The following ZNF831 variants were observed in gnomAD, a reference collection of about 807,000 sequenced individuals.
ZNF831 encodes zinc finger protein 831.
In ZNF831, 59 loss-of-function variants were observed where a neutral mutation model predicts 95.8. That is an observed-to-expected ratio of 0.62 (90% CI 0.50 to 0.77). The LOEUF is 0.77. Ranked by LOEUF, ZNF831 falls within the 30% of genes least tolerant of loss-of-function variation. ZNF831 has a pLI of 0.00. For missense variants in ZNF831, 2,205 were observed against 2,164.0 expected (o/e 1.02, Z -0.38); for synonymous variants, 961 against 925.5 (o/e 1.04, Z -0.70).
At chr20:59,152,645 C>T (rs1275933249) in intron 2 of ZNF831, among the ~76,000 whole-genome samples, 2 of 152,128 alleles carry the variant, frequency 1.3e-5, no homozygotes, top group Non-Finnish European at 2.9e-5. Context: ...GGAATCTGAG[C>T]TGCTCAGGGA....
intron 4 of ZNF831, among the ~76,000 whole-genome samples, chr20:59,246,707 A>T (rs1987625286): frequency 6.6e-6 from 1 of 152,230 alleles, no homozygotes; most frequent in Admixed American, 6.5e-5. Context: ...TCAGAGAAAT[A>T]GAAAAGAGAT....
rs570459759 is a variant in ZNF831, at chr20:59,150,130, G to A, written c.-1281+3756G>A. The stretch of plus-strand genomic sequence containing the variant: ...CCAGGCTCCTCACAGAAACCAAAGA[G>A]GAACAGATTTTAGATTTTTACCTCA... On this transcript the variant is annotated intron_variant, in intron 2 of 7. Transcript: ENST00000637017. Among the ~76,000 whole-genome samples, 260 of 152,314 alleles carry A rather than the reference G, an allele frequency of 1.7e-3. 1 individual carries two copies. Among genetic ancestry groups the A allele is most frequent in the Non-Finnish European group, 2.9e-3 (197 of 68,020 alleles).
intron 4 of ZNF831, among the ~76,000 whole-genome samples, chr20:59,232,315 T>TA (rs1986770171): frequency 6.6e-6 from 1 of 152,124 alleles, no homozygotes; most frequent in Non-Finnish European, 1.5e-5. Flanking sequence ...AAATGGAGTT[T>TA]AAAAAATGAT....
intron 4 of ZNF831, among the ~76,000 whole-genome samples, chr20:59,215,824 A>G (rs535088733): frequency 2.4e-4 from 37 of 152,262 alleles, no homozygotes; most frequent in Admixed American, 4.6e-4. Flanking sequence ...CTGAAAATGA[A>G]AAGTTAATAT....
At chr20:59,174,150 T>C (rs1345347961) in intron 1 of ZNF831, among the ~76,000 whole-genome samples, 1 of 152,124 alleles carries the variant, frequency 6.6e-6, no homozygotes. Flanking sequence ...GCTTGTGGCA[T>C]GCATAGAGGA....
Position 59,217,160 on chromosome 20 carries a change from C to CTGTGTGTGTGTGTGTG in ZNF831, c.4027+10105_4027+10106insGTGTGTGTGTGTGTGT, listed in dbSNP as rs1342165265. Among the ~76,000 whole-genome samples, 2 of 114,720 alleles carry CTGTGTGTGTGTGTGTG rather than the reference C, an allele frequency of 1.7e-5. No homozygotes were observed. Among genetic ancestry groups the CTGTGTGTGTGTGTGTG allele is most frequent in the African/African-American group, 9.0e-5 (2 of 22,268 alleles). The allele number at this position is 114,720 out of a possible 152,430, so 75.3% of individuals were successfully genotyped here. A position where few individuals can be genotyped will look rare whatever the true frequency, so the allele number is the denominator to read the frequency against. On this transcript the variant is annotated intron_variant, in intron 4 of 5. Transcript: ENST00000371030. The surrounding 1 kb of genome is among the most constrained non-coding windows in gnomAD (Gnocchi z 4.4). ...TGGAGTACATCTGACAGATCTTCAT[C>CTGTGTGTGTGTGTGTG]TCTGTGTGTGTGTGTGTGTGTGTGT...
chr20:59,218,095 A>G (rs1382061866), intron 4 of ZNF831, among the ~76,000 whole-genome samples: 1 of 152,250 alleles, frequency 6.6e-6, no homozygotes, highest in East Asian at 1.9e-4. Context: ...CTGAGAGAGC[A>G]AATAGTAATA....
chr20:59,202,006 A>G (rs1020865058), intron 3 of ZNF831, among the ~76,000 whole-genome samples: 5 of 152,174 alleles, frequency 3.3e-5, no homozygotes, highest in Non-Finnish European at 7.3e-5. Flanking sequence ...CATCAGGCTT[A>G]CCTCATCTGT....
chr20:59,126,486 A>C (rs1324139147), intron 1 of ZNF831, among the ~76,000 whole-genome samples: 3 of 152,098 alleles, frequency 2.0e-5, no homozygotes, highest in African/African-American at 7.2e-5. Context: ...GTGCACACTG[A>C]AGTTTGTTTC....
At position 59,237,036 on chromosome 20, in the gene ZNF831, C is replaced by T. The variant is rs183670795; in HGVS notation, c.4028-15942C>T. Among the ~76,000 whole-genome samples, 295 of 152,284 alleles carry T rather than the reference C, an allele frequency of 1.9e-3. 1 individual carries two copies. Among genetic ancestry groups the T allele is most frequent in the African/African-American group, 6.8e-3 (282 of 41,560 alleles). On this transcript the variant is annotated intron_variant, in intron 4 of 5. Coordinates refer to ENST00000371030, the MANE Select transcript of ZNF831 (RefSeq NM_178457.3). ...TGTCCCTTTTAAAGGTTATTATCTACATCATGCCATTTCTGTTGCCCTCAT... is the reference window on the plus strand; with the variant it reads ...TGTCCCTTTTAAAGGTTATTATCTATATCATGCCATTTCTGTTGCCCTCAT...
At chr20:59,128,200 T>C (rs1385950901) in intron 1 of ZNF831, among the ~76,000 whole-genome samples, 1 of 152,198 alleles carries the variant, frequency 6.6e-6, no homozygotes, top group Non-Finnish European at 1.5e-5. Context: ...AATGCAATAG[T>C]CACAGTGAGG....
intron 4 of ZNF831, among the ~76,000 whole-genome samples, chr20:59,230,386 C>G (rs1039842388): frequency 6.6e-6 from 1 of 151,988 alleles, no homozygotes; most frequent in Non-Finnish European, 1.5e-5. Flanking sequence ...GTAGGAGGAT[C>G]GCTTGAACCC....
intron 4 of ZNF831, among the ~76,000 whole-genome samples, chr20:59,233,043 C>CACAGAG (rs1308472101): frequency 2.2e-5 from 3 of 134,374 alleles, no homozygotes; most frequent in African/African-American, 8.8e-5. Context: ...CACACACACA[C>CACAGAG]ATAGAGAGAG....
rs11906149 is a variant in ZNF831 at position 59,169,814 on chromosome 20, G to C, written c.-37+5607G>C. On this transcript the variant is annotated intron_variant, in intron 1 of 5. Transcript: ENST00000371030. The surrounding 1 kb of genome is among the most constrained non-coding windows in gnomAD (Gnocchi z 4.1). ...ACTCGGGAGGCTGAGGCAGGAGAAT[G>C]TTTTGAACCCAGGAGGCAGAGGTTG... Among the ~76,000 whole-genome samples, 21,486 of 151,760 alleles carry C rather than the reference G, an allele frequency of 0.14. 1,668 individuals are homozygous for C. Among genetic ancestry groups the C allele is most frequent in the African/African-American group, 0.21 (8,662 of 41,350 alleles).
At chr20:59,137,921 A>G (rs1320043520) in intron 1 of ZNF831, among the ~76,000 whole-genome samples, 3 of 152,188 alleles carry the variant, frequency 2.0e-5, no homozygotes, top group Non-Finnish European at 4.4e-5. Flanking sequence ...TCCCAGAGAA[A>G]ATTGCTAAGT....
chr20:59,222,348 G>A (rs1986136788), intron 4 of ZNF831, among the ~76,000 whole-genome samples: 1 of 152,104 alleles, frequency 6.6e-6, no homozygotes, highest in African/African-American at 2.4e-5. Flanking sequence ...CTACCCTGGT[G>A]GGTGGGCGCC....
intron 4 of ZNF831, among the ~76,000 whole-genome samples, chr20:59,243,958 T>C (rs143208247): frequency 6.6e-6 from 1 of 152,362 alleles, no homozygotes; most frequent in East Asian, 1.9e-4. Context: ...TCCCTTCATT[T>C]AGTTTTCTTT....
rs562731691 is a variant in ZNF831 at position 59,210,850 on chromosome 20, C to T, written c.4027+3794C>T. Reference sequence around the variant, plus strand: ...GGCACCAATGAATGGTGAATAAAACCAAATCCCCCCGTCTCTACTAAAAAT... The same window carrying T: ...GGCACCAATGAATGGTGAATAAAACTAAATCCCCCCGTCTCTACTAAAAAT... On this transcript the variant is annotated intron_variant, in intron 4 of 5. Coordinates refer to ENST00000371030, the MANE Select transcript of ZNF831 (RefSeq NM_178457.3). Among the ~76,000 whole-genome samples the T allele has an allele frequency of 2.2e-5, 3 of 136,612 alleles. 1 individual carries two copies. Among genetic ancestry groups the T allele is most frequent in the African/African-American group, 9.0e-5 (3 of 33,288 alleles). 89.6% of individuals were successfully genotyped at this position (136,612 alleles called of 152,430 possible).
chr20:59,223,640 TGG>T (rs1986245492), intron 4 of ZNF831, among the ~76,000 whole-genome samples: 1 of 152,088 alleles, frequency 6.6e-6, no homozygotes, highest in African/African-American at 2.4e-5. Flanking sequence ...ATCTGTAAAA[TGG>T]GGGTGATAGT....
Sources: gnomAD v4.1 joint callset for allele counts (sites outside exome capture counted in the v4.1 genomes callset) on GRCh38, gnomAD v4.1.1 for gene constraint, Gnocchi (gnomAD v3.1) non-coding constraint, MANE v1.5 for transcripts, NCBI Gene and HGNC (gene_info 2026-07-23, HGNC 2026-07-21) for gene names.